Variants in USP34 observed in about 807,000 individuals in gnomAD.
The protein encoded by USP34 is ubiquitin carboxyl-terminal hydrolase 34.
Under a neutral mutation model 460.3 loss-of-function variants are expected in USP34, and 70 were observed. The ratio of observed to expected loss-of-function variants is 0.15; its 90% CI spans 0.13 to 0.19. USP34 has a LOEUF of 0.19. USP34 is among the 10% of genes least tolerant of loss of function. USP34 has a pLI of 1.00. For missense variants in USP34, 3,985 were observed against 4,236.2 expected, an observed-to-expected ratio of 0.94 and a Z score of 1.65; for synonymous variants, 1,647 against 1,405.3, an observed-to-expected ratio of 1.17 and a Z score of -3.85.
At chr2:61,441,348 T>C (rs1455013026) in intron 1 of USP34, among the ~76,000 whole-genome samples, 4 of 152,014 alleles carry the variant, frequency 2.6e-5, no homozygotes, top group Non-Finnish European at 5.9e-5. Context: ...AAACCTCTTA[T>C]ACTTTCTGCG....
At position 61,232,439 on chromosome 2, in the gene USP34, T is replaced by C; in HGVS notation, c.7113+13A>G. The C allele has an allele frequency of 6.3e-7, 1 of 1,590,596 alleles. No homozygotes were observed. The highest frequency in any genetic ancestry group is 8.6e-7 in the Non-Finnish European group (1 of 1,168,322). ...TTTTCCAAATAATTTTTTTCAAACA[T>C]ATTTTTCCTTACCTGTCTCACAATT... is the stretch of plus-strand genomic sequence containing the variant. On this transcript the variant is annotated intron_variant, in intron 58 of 79. Transcript: ENST00000398571.
intron 16 of USP34, among the ~76,000 whole-genome samples, 192 bp from the exon 17 acceptor site, chr2:61,339,873 T>C (rs1558537712): frequency 6.6e-6 from 1 of 152,100 alleles, no homozygotes; most frequent in Non-Finnish European, 1.5e-5. Flanking sequence ...AGTCTCGCTA[T>C]GTTGGCCAGG....
rs759701915 is a variant in USP34, at chr2:61,319,120, G to A, written c.3168+53C>T. On this transcript the variant is annotated intron_variant, in intron 22 of 79. Coordinates refer to ENST00000398571, the MANE Select transcript of USP34 (RefSeq NM_014709.4). The stretch of plus-strand genomic sequence containing the variant: ...GCATTACAGAATTCGTATTTCAAGA[G>A]ATGAAAAAGGGAACATGGAAAAATA... 466 of 1,484,302 alleles carry A rather than the reference G, an allele frequency of 3.1e-4. 1 individual carries two copies. The highest frequency in any genetic ancestry group is 2.1e-4 in the Non-Finnish European group (237 of 1,116,770). The allele number at this position is 1,484,302 out of a possible 1,614,324, so 91.9% of individuals were successfully genotyped here.
intron 2 of USP34, chr2:61,416,878 A>G (rs1694212614): frequency 9.1e-6 from 7 of 769,184 alleles, no homozygotes; most frequent in East Asian, 2.8e-5. Flanking sequence ...GCACAGTGGA[A>G]GCCCTCATGA....
chr2:61,465,428 C>T (rs1215968001), intron 1 of USP34, among the ~76,000 whole-genome samples: 3 of 152,214 alleles, frequency 2.0e-5, no homozygotes, highest in Non-Finnish European at 4.4e-5. Flanking sequence ...TTACTTTTAA[C>T]GATACTGCAT....
chr2:61,380,229 T>G lies in USP34; in HGVS notation c.954A>C (p.Ala318=), dbSNP rs746112977. Residue 318 remains alanine, a synonymous_variant, in exon 7 of 80, where the codon GCA becomes GCC. Transcript: ENST00000398571. Reference sequence around the variant, plus strand: ...AAGTAGGTGACATAAAGTACTTAAATGCAAGATCTAGGCTTTCTTTATCAA... The same window carrying G: ...AAGTAGGTGACATAAAGTACTTAAAGGCAAGATCTAGGCTTTCTTTATCAA... ...LCFDKESLDL[A]FKYFMSPTLT... is the part of the protein sequence containing the mutation. The G allele has an allele frequency of 5.0e-6, 8 of 1,614,062 alleles. No individual in the cohort carries two copies. Among genetic ancestry groups the G allele is most frequent in the Non-Finnish European group, 6.8e-6 (8 of 1,180,010 alleles).
chr2:61,277,241 T>A (rs2103947940), intron 41 of USP34, among the ~76,000 whole-genome samples: 1 of 151,088 alleles, frequency 6.6e-6, no homozygotes, highest in South Asian at 2.1e-4. Flanking sequence ...GGTTACCTTT[T>A]TTTTTTTTTT....
chr2:61,398,815 C>T (rs1158951673), intron 3 of USP34, among the ~76,000 whole-genome samples: 1 of 151,998 alleles, frequency 6.6e-6, no homozygotes, highest in Non-Finnish European at 1.5e-5. Flanking sequence ...TCAAAATAAA[C>T]AAAAAATGTC....
intron 10 of USP34, among the ~76,000 whole-genome samples, chr2:61,359,719 G>T (rs1248245669): frequency 6.3e-5 from 9 of 142,916 alleles, no homozygotes; most frequent in Admixed American, 2.8e-4. Flanking sequence ...ACGCTCAAAA[G>T]AACAGGCATA....
At position 61,237,543 on chromosome 2, in the gene USP34, A is replaced by ATTTTCTGT. The variant is rs1384640634; in HGVS notation, c.6778-1162_6778-1155dup. On this transcript the variant is annotated intron_variant, in intron 53 of 79. Coordinates refer to ENST00000398571, the MANE Select transcript of USP34 (RefSeq NM_014709.4). ...ACTGTATCTATGTATGTGTATAGCT[A>ATTTTCTGT]TTTTCTGTGGATTTTTTTTTTTTTT... Among the ~76,000 whole-genome samples, 75 of 60,470 alleles carry ATTTTCTGT rather than the reference A, an allele frequency of 1.2e-3. 1 individual carries two copies. The highest frequency in any genetic ancestry group is 4.4e-3 in the African/African-American group (70 of 15,756). The allele number at this position is 60,470 out of a possible 152,430, so 39.7% of individuals were successfully genotyped here.
chr2:61,378,520 A>C, intron 7 of USP34, 96 bp from the exon 8 acceptor site: 2 of 701,326 alleles, frequency 2.9e-6, no homozygotes, highest in Non-Finnish European at 4.8e-6. Flanking sequence ...TGACATATGT[A>C]GATCACAATA....
rs750497816 is a variant in USP34 at position 61,281,126 on chromosome 2, T to C, written c.5115A>G (p.Lys1705=). Residue 1705 remains lysine, a synonymous_variant, in exon 38 of 80, where the codon AAA becomes AAG. Coordinates refer to ENST00000398571, the MANE Select transcript of USP34 (RefSeq NM_014709.4). Reference sequence around the variant, plus strand: ...TGAGTGCTTGAGCATCAGGAAGAAATTTCAATAATGTTGAGGCAGCCAATA... The same window carrying C: ...TGAGTGCTTGAGCATCAGGAAGAAACTTCAATAATGTTGAGGCAGCCAATA... ...FLLLAASTLL[K]FLPDAQALKP... The C allele has an allele frequency of 5.0e-6, 8 of 1,613,744 alleles. No homozygotes were observed. Among genetic ancestry groups the C allele is most frequent in the Non-Finnish European group, 6.8e-6 (8 of 1,179,866 alleles).
At chr2:61,361,537 G>A (rs191357942) in intron 10 of USP34, among the ~76,000 whole-genome samples, 7 of 152,228 alleles carry the variant, frequency 4.6e-5, no homozygotes, top group Non-Finnish European at 4.4e-5. Context: ...CTTCCAGAAG[G>A]ATGCCAAGAA....
chr2:61,340,368 C>T (rs1016739197), intron 16 of USP34, among the ~76,000 whole-genome samples: 1 of 152,160 alleles, frequency 6.6e-6, no homozygotes, highest in African/African-American at 2.4e-5. Context: ...CTACCATAAA[C>T]ATCTGTGTAA....
intron 25 of USP34, 86 bp downstream of exon 25, chr2:61,314,499 A>G (rs1365917956): frequency 1.6e-6 from 2 of 1,248,878 alleles, no homozygotes; most frequent in East Asian, 2.7e-5. Flanking sequence ...CCCAACAAAA[A>G]CTTTAGATTC....
intron 1 of USP34, among the ~76,000 whole-genome samples, chr2:61,457,205 G>A (rs1199954992): frequency 6.6e-6 from 1 of 152,170 alleles, no homozygotes; most frequent in African/African-American, 2.4e-5. Context: ...GAGCCTGGGA[G>A]GTCAAGACTA....
At chr2:61,216,834 CTT>C (rs1441489942) in intron 67 of USP34, among the ~76,000 whole-genome samples, 5 of 151,436 alleles carry the variant, frequency 3.3e-5, no homozygotes, top group Non-Finnish European at 7.4e-5. Flanking sequence ...ACAAGAATCA[CTT>C]TAACTCTGGA....
At chr2:61,385,746 C>A (rs6760075) in intron 5 of USP34, among the ~76,000 whole-genome samples, 51,979 of 147,606 alleles carry the variant, frequency 0.35, 9,256 homozygotes, top group Admixed American at 0.39. Flanking sequence ...GTAATCCTAG[C>A]ACTTCAGGAG....
intron 1 of USP34, among the ~76,000 whole-genome samples, chr2:61,443,649 C>A (rs567185213): frequency 2.0e-5 from 3 of 152,276 alleles, no homozygotes; most frequent in South Asian, 4.1e-4. Context: ...GTAAAAAGAT[C>A]AGCAGTTGCC....
Sources: allele counts gnomAD v4.1 joint callset (sites outside exome capture counted in the v4.1 genomes callset), GRCh38; gene constraint gnomAD v4.1.1; transcripts MANE v1.5; gene names NCBI Gene and HGNC (gene_info 2026-07-23, HGNC 2026-07-21).